Variants in CHPT1 observed in about 807,000 individuals in gnomAD.
The protein encoded by CHPT1 is cholinephosphotransferase 1.
Under a neutral mutation model 47.6 loss-of-function variants are expected in CHPT1, and 36 were observed. The observed-to-expected ratio is 0.76, with a 90% CI of 0.58 to 1.00. CHPT1 has a LOEUF of 1.00. Ranked by LOEUF, CHPT1 falls within the 50% of genes least tolerant of loss-of-function variation. The pLI is 0.00. For missense variants in CHPT1, 458 were observed against 498.1 expected, an observed-to-expected ratio of 0.92 and a Z score of 0.77; for synonymous variants, 194 against 186.3, an observed-to-expected ratio of 1.04 and a Z score of -0.33.
intron 4 of CHPT1, chr12:101,719,366 ATTAT>A (rs1951813343): frequency 2.6e-6 from 1 of 379,130 alleles, no homozygotes; most frequent in African/African-American, 2.2e-5. Flanking sequence ...TCTAAATTTA[ATTAT>A]TAACCTGTAG....
rs11110980 is a variant in CHPT1 at position 101,724,809 on chromosome 12, C to T, written c.1065+962C>T. Among the ~76,000 whole-genome samples the T allele has an allele frequency of 0.022, 3,324 of 152,162 alleles. 333 individuals carry two copies. The East Asian group carries it at 0.31, about 14-fold the overall frequency. On this transcript the variant is annotated intron_variant, in intron 7 of 8. Coordinates refer to ENST00000229266, the MANE Select transcript of CHPT1 (RefSeq NM_020244.3). ...CAGAATATAGTGCTTGAGAGAGACACGTTAGCCATCTAAGGAAAAGAAAAT... is the reference window on the plus strand; with the variant it reads ...CAGAATATAGTGCTTGAGAGAGACATGTTAGCCATCTAAGGAAAAGAAAAT...
chr12:101,726,308 T>G lies in CHPT1; in HGVS notation c.1080T>G (p.Phe360Leu), dbSNP rs547330381. 3 of 1,607,320 alleles carry G rather than the reference T, an allele frequency of 1.9e-6. No individual in the cohort carries two copies. The highest frequency in any genetic ancestry group is 4.5e-5 in the East Asian group (2 of 44,822). The change falls in exon 8 of 9, where the codon TTT (phenylalanine) becomes TTG (leucine). Residue 360 changes from phenylalanine to leucine, a missense_variant. Coordinates refer to ENST00000229266, the MANE Select transcript of CHPT1 (RefSeq NM_020244.3). Reference protein sequence around the residue: ...VLWMAMVISSFDMVIYFSALC... With the variant: ...VLWMAMVISSLDMVIYFSALC... ...TGCTTCTAAAGGTGATTTCTTCATT[T>G]GATATGGTGATATACTTTAGTGCTT...
chr12:101,704,917 A>G (rs548534287), intron 1 of CHPT1, among the ~76,000 whole-genome samples: 39 of 70,172 alleles, frequency 5.6e-4, no homozygotes, highest in Non-Finnish European at 8.8e-4. Flanking sequence ...GAGAGGAGCA[A>G]TGATTATTAC....
At chr12:101,726,238 T>G (rs1169309263) in intron 7 of CHPT1, 56 bp from the exon 8 acceptor site, 1 of 1,157,032 alleles carries the variant, frequency 8.6e-7, no homozygotes. Flanking sequence ...AGAATAGTGC[T>G]ACTTGAGAAA....
chr12:101,699,683 C>T (rs1360990231), intron 1 of CHPT1, among the ~76,000 whole-genome samples: 2 of 152,200 alleles, frequency 1.3e-5, no homozygotes, highest in Non-Finnish European at 2.9e-5. Flanking sequence ...GCCACTGCGC[C>T]AGGCTTATTA....
intron 2 of CHPT1, 84 bp from the exon 3 acceptor site, chr12:101,714,420 G>A (rs1428265214): frequency 1.7e-5 from 21 of 1,246,082 alleles, no homozygotes; most frequent in Non-Finnish European, 2.3e-5. Flanking sequence ...TTTCCTTAGA[G>A]CTCTGTATTT....
chr12:101,724,213 T>C (rs1201037750), intron 7 of CHPT1, among the ~76,000 whole-genome samples: 2 of 145,382 alleles, frequency 1.4e-5, no homozygotes, highest in Non-Finnish European at 3.0e-5. Flanking sequence ...AGCGAGACTG[T>C]GTCTCAAAAA....
chr12:101,726,632 TATTA>T, intron 8 of CHPT1: 1 of 536,066 alleles, frequency 1.9e-6, no homozygotes, highest in Non-Finnish European at 3.0e-6. Context: ...ATTGTCTACA[TATTA>T]ATTAGAAACA....
intron 1 of CHPT1, among the ~76,000 whole-genome samples, chr12:101,713,791 GGCATAAT>G (rs1490990681): frequency 6.6e-6 from 1 of 151,914 alleles, no homozygotes; most frequent in African/African-American, 2.4e-5. Flanking sequence ...TCAAATCTGT[GGCATAAT>G]GCATAGTATT....
intron 4 of CHPT1, chr12:101,719,574 C>T: frequency 8.5e-7 from 1 of 1,170,104 alleles, no homozygotes; most frequent in South Asian, 1.3e-5. Context: ...GTTTTGCTTG[C>T]ATACACATCA....
At chr12:101,721,155 T>C (rs1951844845) in intron 5 of CHPT1, among the ~76,000 whole-genome samples, 1 of 152,056 alleles carries the variant, frequency 6.6e-6, no homozygotes, top group South Asian at 2.1e-4. Flanking sequence ...ATGGTGGCCA[T>C]GCTTTTGTAA....
chr12:101,726,438 G>A (rs1951946151), intron 8 of CHPT1, 34 bp downstream of exon 8: 1 of 1,605,886 alleles, frequency 6.2e-7, no homozygotes, highest in Non-Finnish European at 8.5e-7. Context: ...AATAGCCCAA[G>A]GAAAAGAGGA....
chr12:101,714,096 T>C lies in CHPT1; in HGVS notation c.280T>C (p.Tyr94His). Reference protein sequence around the residue: ...YCPTATEEAPYWTYLLCALGL... With the variant: ...YCPTATEEAPHWTYLLCALGL... ...TTATTTACATTTTTTATAGGCACCA[T>C]ACTGGACATACCTTTTATGTGCACT... is the stretch of plus-strand genomic sequence containing the variant. Residue 94 changes from tyrosine to histidine, a missense_variant, in exon 2 of 9, where the codon TAC (tyrosine) becomes CAC (histidine). Tyr to His is a moderately conservative substitution (Grantham distance 83, BLOSUM62 2). Transcript: ENST00000229266. 6.3e-7 allele frequency: 1 copy of C among 1,599,192 alleles called. No homozygotes were observed. Among genetic ancestry groups the C allele is most frequent in the South Asian group, 1.1e-5 (1 of 89,194 alleles).
At chr12:101,699,382 A>T (rs1389530070) in intron 1 of CHPT1, among the ~76,000 whole-genome samples, 23 of 125,270 alleles carry the variant, frequency 1.8e-4, no homozygotes, top group African/African-American at 6.9e-4. Flanking sequence ...CTTATTATGT[A>T]TTTCTTTTCT....
At chr12:101,704,177 GT>G (rs972977243) in intron 1 of CHPT1, among the ~76,000 whole-genome samples, 3 of 142,478 alleles carry the variant, frequency 2.1e-5, no homozygotes, top group Non-Finnish European at 4.4e-5. Flanking sequence ...AAGCAAAGAG[GT>G]TTTTTTGTTT....
chr12:101,716,706 A>C, intron 3 of CHPT1, 22 bp from the exon 4 acceptor site: 2 of 1,504,766 alleles, frequency 1.3e-6, no homozygotes, highest in Non-Finnish European at 1.8e-6. Flanking sequence ...CACCTTATCT[A>C]TTCTTTGTCC....
chr12:101,715,308 C>A (rs1951748721), intron 3 of CHPT1, among the ~76,000 whole-genome samples: 2 of 152,138 alleles, frequency 1.3e-5, no homozygotes, highest in African/African-American at 2.4e-5. Context: ...TTGGCTTTGG[C>A]TTCCCATGCC....
At chr12:101,720,676 A>G (rs1484222011) in intron 5 of CHPT1, among the ~76,000 whole-genome samples, 2 of 152,262 alleles carry the variant, frequency 1.3e-5, no homozygotes, top group Non-Finnish European at 1.5e-5. Context: ...ACTGAAATAT[A>G]TTTAAAAGAA....
At chr12:101,726,039 G>A (rs1243565978) in intron 7 of CHPT1, among the ~76,000 whole-genome samples, 1 of 152,116 alleles carries the variant, frequency 6.6e-6, no homozygotes, top group Non-Finnish European at 1.5e-5. Context: ...GTTGGGTTCT[G>A]TTACTTTCTA....
Sources: allele counts gnomAD v4.1 joint callset (sites outside exome capture counted in the v4.1 genomes callset), GRCh38; gene constraint gnomAD v4.1.1; transcripts MANE v1.5; gene names NCBI Gene and HGNC (gene_info 2026-07-23, HGNC 2026-07-21).